Variants in PRKAA2 observed in about 807,000 individuals in gnomAD.
PRKAA2 encodes protein kinase AMP-activated catalytic subunit alpha 2.
In PRKAA2, 40 loss-of-function variants were observed where a neutral mutation model predicts 56.3. The observed-to-expected ratio is 0.71, with a 90% confidence interval of 0.55 to 0.92. The LOEUF (loss-of-function observed/expected upper bound fraction) is 0.92. Ranked by LOEUF, PRKAA2 falls within the 40% of genes least tolerant of loss-of-function variation. The pLI, the probability that PRKAA2 is intolerant of heterozygous loss-of-function variation, is 0.00. For missense variants in PRKAA2, 542 were observed against 686.9 expected (o/e 0.79, Z 2.36); for synonymous variants, 214 against 234.2 (o/e 0.91, Z 0.79).
intron 1 of PRKAA2, among the ~76,000 whole-genome samples, chr1:56,667,094 C>T (rs1050799201): frequency 2.0e-5 from 3 of 152,162 alleles, no homozygotes; most frequent in Admixed American, 1.3e-4. Flanking sequence ...AACATATGGA[C>T]ACTTTGGTCA....
chr1:56,691,393 G>T lies in PRKAA2; in HGVS notation c.237-1G>T, dbSNP rs754717894. The T allele has an allele frequency of 2.3e-5, 37 of 1,606,664 alleles. No homozygotes were observed. The highest frequency in any genetic ancestry group is 2.9e-5 in the Non-Finnish European group (34 of 1,175,566). ...TTAACTTTTTTTAATTAACAAAAAA[G>T]ATACCAGGTGATCAGCACTCCAACA... On this transcript the variant is annotated splice_acceptor_variant, in intron 2 of 8. Transcript: ENST00000371244. LOFTEE classifies it high-confidence loss of function.
intron 2 of PRKAA2, among the ~76,000 whole-genome samples, chr1:56,687,041 C>G (rs1358592241): frequency 1.3e-5 from 2 of 152,026 alleles, no homozygotes; most frequent in East Asian, 3.9e-4. Flanking sequence ...TGTGCCACCA[C>G]GCCTGGCTAA....
At chr1:56,678,145 T>G (rs1644126761) in intron 2 of PRKAA2, among the ~76,000 whole-genome samples, 1 of 152,262 alleles carries the variant, frequency 6.6e-6, no homozygotes, top group African/African-American at 2.4e-5. Context: ...AATTTGCAGT[T>G]TAAAACTTTT....
At chr1:56,703,307 A>G (rs1160047869) in intron 6 of PRKAA2, among the ~76,000 whole-genome samples, 1 of 152,222 alleles carries the variant, frequency 6.6e-6, no homozygotes, top group African/African-American at 2.4e-5. Context: ...AATTAAGAAA[A>G]TATGTAATTT....
At chr1:56,662,204 G>C (rs1248412190) in intron 1 of PRKAA2, among the ~76,000 whole-genome samples, 1 of 152,014 alleles carries the variant, frequency 6.6e-6, no homozygotes, top group Non-Finnish European at 1.5e-5. Context: ...TAAGATGAAA[G>C]TGTCTTCTTA....
chr1:56,679,110 CT>C (rs1644135396), intron 2 of PRKAA2, among the ~76,000 whole-genome samples: 1 of 152,118 alleles, frequency 6.6e-6, no homozygotes. Context: ...CTTCTGTTTT[CT>C]TTTTTTCATT....
chr1:56,686,384 A>G (rs891333852), intron 2 of PRKAA2, among the ~76,000 whole-genome samples: 4 of 152,250 alleles, frequency 2.6e-5, no homozygotes, highest in Non-Finnish European at 5.9e-5. Flanking sequence ...GTGTATATCA[A>G]GGAGAAAATC....
chr1:56,670,616 T>C (rs1046342191), intron 1 of PRKAA2, among the ~76,000 whole-genome samples: 8 of 152,134 alleles, frequency 5.3e-5, no homozygotes, highest in African/African-American at 1.9e-4. Context: ...GGGAGTTTGA[T>C]GTATGGGAGA....
At chr1:56,675,292 A>T (rs190398453) in intron 2 of PRKAA2, among the ~76,000 whole-genome samples, 1 of 152,260 alleles carries the variant, frequency 6.6e-6, no homozygotes, top group African/African-American at 2.4e-5. Context: ...TTATAAAATA[A>T]GTATTGCTCT....
rs904607587 is a variant in PRKAA2 at position 56,709,013 on chromosome 1, T to C, written c.*1300T>C. On this transcript the variant is annotated 3_prime_UTR_variant, in exon 9 of 9. Coordinates refer to ENST00000371244, the MANE Select transcript of PRKAA2 (RefSeq NM_006252.4). ...CAAACTATAGCAGGGTAGATAATAG[T>C]TTATTGATTATATTTTGTTTTAGTA... 2 of 152,148 alleles carry C rather than the reference T, an allele frequency of 1.3e-5. No individual in the cohort carries two copies. Among genetic ancestry groups the C allele is most frequent in the Admixed American group, 1.3e-4 (2 of 15,268 alleles). 9.4% of individuals were successfully genotyped at this position (152,148 alleles called of 1,614,324 possible). A position where few individuals can be genotyped will look rare whatever the true frequency, so the allele number is the denominator to read the frequency against.
At position 56,696,042 on chromosome 1, in the gene PRKAA2, A is replaced by C. The variant is rs1473937464; in HGVS notation, c.671A>C (p.Lys224Thr). 6.2e-7 allele frequency: 1 copy of C among 1,612,788 alleles called. No individual in the cohort carries two copies. ...FDDEHVPTLF[K>T]KIRGGVFYIP... ...GATGAGCATGTACCTACGTTATTTAAGAAGATCCGAGGGGGTGTCTTTTAT... is the reference window on the plus strand; with the variant it reads ...GATGAGCATGTACCTACGTTATTTACGAAGATCCGAGGGGGTGTCTTTTAT... The change falls in exon 6 of 9, where the codon AAG becomes ACG. Residue 224 changes from lysine (K) to threonine (T), a missense_variant. Physicochemically the swap from Lys to Thr is moderately conservative, Grantham distance 78. This residue lies in a region of PRKAA2 where 198 missense variants were observed against 234.0 expected (regional missense o/e 0.85). Coordinates refer to ENST00000371244, the MANE Select transcript of PRKAA2 (RefSeq NM_006252.4).
intron 2 of PRKAA2, among the ~76,000 whole-genome samples, chr1:56,679,028 C>A (rs981319606): frequency 2.0e-5 from 3 of 152,098 alleles, no homozygotes; most frequent in Non-Finnish European, 4.4e-5. Context: ...TAACCTATGG[C>A]CTGCTTTTTA....
At position 56,706,236 on chromosome 1, in the gene PRKAA2, G is replaced by A; in HGVS notation, c.1420+18G>A. 6.2e-7 allele frequency: 1 copy of A among 1,608,772 alleles called. No individual in the cohort carries two copies. Among genetic ancestry groups the A allele is most frequent in the Non-Finnish European group, 8.5e-7 (1 of 1,178,488 alleles). ...CATTGATGGTAAGGAAGCTATGCAT[G>A]CATGAGCTCTGAGAAGATAAAACTT... On this transcript the variant is annotated intron_variant, in intron 8 of 8. Coordinates refer to ENST00000371244, the MANE Select transcript of PRKAA2 (RefSeq NM_006252.4).
intron 2 of PRKAA2, among the ~76,000 whole-genome samples, chr1:56,690,401 C>T (rs905028439): frequency 1.2e-4 from 19 of 152,116 alleles, no homozygotes; most frequent in South Asian, 2.1e-4. Flanking sequence ...AATCTCCTGA[C>T]CTTGTGATCT....
intron 2 of PRKAA2, among the ~76,000 whole-genome samples, chr1:56,678,652 T>C (rs999102987): frequency 2.6e-5 from 4 of 151,990 alleles, no homozygotes; most frequent in African/African-American, 9.7e-5. Context: ...TTTTACTTGG[T>C]CAAAAGATGC....
rs755147280 is a variant in PRKAA2 at position 56,710,043 on chromosome 1, T to G, written c.*2330T>G. The G allele has an allele frequency of 2.0e-5, 3 of 152,040 alleles. No homozygotes were observed. The highest frequency in any genetic ancestry group is 2.9e-5 in the Non-Finnish European group (2 of 67,954). The allele number at this position is 152,040 out of a possible 1,614,324, so 9.4% of individuals were successfully genotyped here. ...TCCAGCACAATTAGAGCTGGAACAT[T>G]GTTACAGCAGGCTTTTTGTTGCTCA... On this transcript the variant is annotated 3_prime_UTR_variant, in exon 9 of 9. Coordinates refer to ENST00000371244, the MANE Select transcript of PRKAA2 (RefSeq NM_006252.4).
At chr1:56,684,518 A>G (rs1179888286) in intron 2 of PRKAA2, among the ~76,000 whole-genome samples, 3 of 152,120 alleles carry the variant, frequency 2.0e-5, no homozygotes, top group African/African-American at 7.2e-5. Context: ...AAAAATGAGG[A>G]GGAACCAGTA....
chr1:56,706,365 G>C, intron 8 of PRKAA2, 147 bp downstream of exon 8: 1 of 795,954 alleles, frequency 1.3e-6, no homozygotes, highest in Non-Finnish European at 1.9e-6. Flanking sequence ...TAAGTGAAGT[G>C]AAAAGGATGA....
chr1:56,673,233 G>C lies in PRKAA2; in HGVS notation c.95-1148G>C, dbSNP rs1316559246. Among the ~76,000 whole-genome samples the C allele has an allele frequency of 5.9e-5, 9 of 152,080 alleles. No homozygotes were observed. The East Asian group carries it at 7.8e-4, about 13-fold the overall frequency. On this transcript the variant is annotated intron_variant, in intron 1 of 8. Coordinates refer to ENST00000371244, the MANE Select transcript of PRKAA2 (RefSeq NM_006252.4). ...CAAAGATTTAAAGAAAAATTAGCTG[G>C]GGATGCTGGCACATTCTTGTAGTGC...
Sources: gnomAD v4.1 joint callset for allele counts (sites outside exome capture counted in the v4.1 genomes callset) on GRCh38, gnomAD v4.1.1 for gene constraint, gnomAD v4.1.1 regional missense constraint, MANE v1.5 for transcripts, NCBI Gene and HGNC (gene_info 2026-07-23, HGNC 2026-07-21) for gene names.